The following THBS3 variants were observed in gnomAD, a reference collection of about 807,000 sequenced individuals.
The protein encoded by THBS3 is thrombospondin 3.
A neutral mutation model predicts 118.3 loss-of-function variants in THBS3; 78 were observed. That is an observed-to-expected ratio of 0.66 (90% confidence interval 0.55 to 0.80). The LOEUF is 0.80. Among genes scored for constraint, THBS3 ranks in the 30% least tolerant of loss-of-function variants. The pLI is 0.00. For synonymous variants in THBS3, 427 were observed against 475.3 expected, an observed-to-expected ratio of 0.90 and a Z score of 1.32; for missense variants, 1,057 against 1,247.4, an observed-to-expected ratio of 0.85 and a Z score of 2.30.
chr1:155,198,089 G>C lies in THBS3; in HGVS notation c.2206C>G (p.Pro736Ala). 1 of 1,614,134 alleles carries C rather than the reference G, an allele frequency of 6.2e-7. No homozygotes were observed. The highest frequency in any genetic ancestry group is 8.5e-7 in the Non-Finnish European group (1 of 1,180,026). Residue 736 changes from proline to alanine, a missense_variant, in exon 18 of 23, where the codon CCT becomes GCT. Transcript: ENST00000368378. ...FRAYQTVVLD[P>A]EGDAQIDPNW... Reference sequence around the variant, plus strand: ...GGGTCAATCTGAGCATCACCCTCAGGATCCAGGACGACGGTCTGATAGGCC... The same window carrying C: ...GGGTCAATCTGAGCATCACCCTCAGCATCCAGGACGACGGTCTGATAGGCC...
chr1:155,203,183 A>G, intron 6 of THBS3, 40 bp downstream of exon 6: 13 of 1,614,044 alleles, frequency 8.1e-6, no homozygotes, highest in Non-Finnish European at 1.1e-5. Flanking sequence ...CTGCCACCCT[A>G]CCCCAGAATC....
rs771132621 is a variant in THBS3, at chr1:155,196,048, A to G, written c.2751T>C (p.Leu917=). 1 of 1,614,196 alleles carries G rather than the reference A, an allele frequency of 6.2e-7. No homozygotes were observed. Among genetic ancestry groups the G allele is most frequent in the African/African-American group, 1.3e-5 (1 of 75,064 alleles). ...TTTCTTGGGAGAAGCAGAATACACC[A>G]AGACGCCCCCCTCGCATGGATGTGT... is the stretch of plus-strand genomic sequence containing the variant. ...IIDTSMRGGR[L]GVFCFSQENI... is the part of the protein sequence containing the mutation. The change falls in exon 22 of 23, where the codon CTT becomes CTC. Residue 917 remains leucine, a synonymous_variant. Transcript: ENST00000368378.
At chr1:155,208,086 C>T, upstream of THBS3, 1 of 581,086 alleles carries the variant, frequency 1.7e-6, no homozygotes, top group South Asian at 2.1e-5. Context: ...TCCTGGAGGC[C>T]TCCCTGCTTT....
intron 4 of THBS3, among the ~76,000 whole-genome samples, chr1:155,204,258 G>T (rs1670222518): frequency 1.3e-5 from 2 of 152,148 alleles, no homozygotes; most frequent in South Asian, 4.2e-4. Flanking sequence ...AACACTCAGA[G>T]AAATTGCTGG....
Position 155,206,144 on chromosome 1 carries a change from G to A in THBS3, c.286+56C>T. The A allele has an allele frequency of 6.3e-7, 1 of 1,584,544 alleles. No individual in the cohort carries two copies. Among genetic ancestry groups the A allele is most frequent in the Non-Finnish European group, 8.6e-7 (1 of 1,157,380 alleles). On this transcript the variant is annotated intron_variant, in intron 2 of 22. Coordinates refer to ENST00000368378, the MANE Select transcript of THBS3 (RefSeq NM_007112.5). This position sits in a 1 kb window ranked among gnomAD's most constrained non-coding sequence, Gnocchi z 4.2. ...GAGGAAGCACTTGGGAAGTAGGGAT[G>A]AGGGAGAGTGCTTAAGGAGGTCACC... is the stretch of plus-strand genomic sequence containing the variant.
rs1271911503 is a variant in THBS3, at chr1:155,202,537, C to A, written c.958-136G>T. The A allele has an allele frequency of 3.1e-5, 40 of 1,301,536 alleles. No individual in the cohort carries two copies. The highest frequency in any genetic ancestry group is 3.3e-5 in the Non-Finnish European group (32 of 965,484). 80.6% of individuals were successfully genotyped at this position (1,301,536 alleles called of 1,614,324 possible). The stretch of plus-strand genomic sequence containing the variant: ...ACACAACTGCCTTGTGCTCCTGGTC[C>A]CCACCCCACTTCCCTCGGGGTTCCC... On this transcript the variant is annotated intron_variant, in intron 8 of 22. Transcript: ENST00000368378. The surrounding 1 kb of genome is among the most constrained non-coding windows in gnomAD (Gnocchi z 5.5).
chr1:155,207,921 G>A (rs1670794612), upstream of THBS3: 6 of 1,598,404 alleles, frequency 3.8e-6, no homozygotes, highest in Non-Finnish European at 5.1e-6. Flanking sequence ...GCAGCTGGGA[G>A]GGGAAAAGGC....
rs1167188027 is a variant in THBS3 at position 155,206,872 on chromosome 1, C to T, written c.80-466G>A. On this transcript the variant is annotated intron_variant, in intron 1 of 22. Coordinates refer to ENST00000368378, the MANE Select transcript of THBS3 (RefSeq NM_007112.5). This position sits in a 1 kb window ranked among gnomAD's most constrained non-coding sequence, Gnocchi z 4.2. The stretch of plus-strand genomic sequence containing the variant: ...AGACAAAACGAAAACAAAAAAAAAC[C>T]TCAACCCTTGTTGCTCTCAGAGGAC... 2.0e-5 allele frequency among the ~76,000 whole-genome samples: 3 copies of T among 151,974 alleles called. No individual in the cohort carries two copies. The highest frequency in any genetic ancestry group is 2.1e-4 in the South Asian group (1 of 4,822).
Position 155,195,728 on chromosome 1 carries a change from G to A in THBS3, c.*113C>T, listed in dbSNP as rs182573661. ...GGGACTGAACTCCTTTTGGGAGCCA[G>A]AGAAGGGTCTGTGGTTGGCTGAGGG... On this transcript the variant is annotated 3_prime_UTR_variant, in exon 23 of 23. Coordinates refer to ENST00000368378, the MANE Select transcript of THBS3 (RefSeq NM_007112.5). 1.9e-4 allele frequency: 232 copies of A among 1,190,632 alleles called. 2 individuals are homozygous for A. In the East Asian group the frequency reaches 4.1e-3, roughly 21 times the overall value. 73.8% of individuals were successfully genotyped at this position (1,190,632 alleles called of 1,614,324 possible).
chr1:155,203,555 A>T lies in THBS3; in HGVS notation c.647-16T>A, dbSNP rs1388608670. 1 of 1,613,646 alleles carries T rather than the reference A, an allele frequency of 6.2e-7. No homozygotes were observed. Among genetic ancestry groups the T allele is most frequent in the Non-Finnish European group, 8.5e-7 (1 of 1,179,934 alleles). ...GCATTGGTCACTGGAGAGGAGAAGAAAACATAGTCAGAGGGGTGAGGTGAA... is the reference window on the plus strand; with the variant it reads ...GCATTGGTCACTGGAGAGGAGAAGATAACATAGTCAGAGGGGTGAGGTGAA... On this transcript the variant is annotated splice_polypyrimidine_tract_variant and intron_variant, in intron 4 of 22. Transcript: ENST00000368378.
chr1:155,200,918 C>A lies in THBS3; in HGVS notation c.1527G>T (p.Gly509=). The change falls in exon 13 of 23, where the codon GGG becomes GGT. Residue 509 remains glycine (G), a synonymous_variant. Coordinates refer to ENST00000368378, the MANE Select transcript of THBS3 (RefSeq NM_007112.5). ...VGDQCDDDAD[G]DGIKNVEDNC... is the part of the protein sequence containing the mutation. ...TCACCTCAACATTCTTGATCCCATC[C>A]CCATCAGCATCATCATCACACTGGT... 1 of 1,614,076 alleles carries A rather than the reference C, an allele frequency of 6.2e-7. No homozygotes were observed. The highest frequency in any genetic ancestry group is 8.5e-7 in the Non-Finnish European group (1 of 1,180,014).
chr1:155,197,204 A>G lies in THBS3; in HGVS notation c.2509T>C (p.Ser837Pro). ...QPGLQLKAVT[S>P]VSGPGEHLRN... ...AGGTGCTCACCTGGGCCAGACACTG[A>G]TGTCACTGCCTAGGAGACATTGGCA... Residue 837 changes from serine (S) to proline (P), a missense_variant, in exon 21 of 23, where the codon TCA (serine) becomes CCA (proline). Transcript: ENST00000368378. The surrounding 1 kb of genome is among the most constrained non-coding windows in gnomAD (Gnocchi z 5.0). 1 of 1,614,094 alleles carries G rather than the reference A, an allele frequency of 6.2e-7. No homozygotes were observed. The highest frequency in any genetic ancestry group is 8.5e-7 in the Non-Finnish European group (1 of 1,179,932).
In THBS3 at chr1:155,205,198, G is replaced by T. The variant is rs534911443; in HGVS notation, c.405C>A (p.Pro135=). ...VLLRLRGPSR[P]SPALHLYVDC... is the part of the protein sequence containing the mutation. ...CCACGTAGAGATGTAGGGCAGGGCTGGGTCTGGAGGGACCTCGGAGTCGCA... is the reference window on the plus strand; with the variant it reads ...CCACGTAGAGATGTAGGGCAGGGCTTGGTCTGGAGGGACCTCGGAGTCGCA... The change falls in exon 3 of 23, where the codon CCC becomes CCA. Residue 135 remains proline, a synonymous_variant. Coordinates refer to ENST00000368378, the MANE Select transcript of THBS3 (RefSeq NM_007112.5). 9.7e-5 allele frequency: 157 copies of T among 1,614,230 alleles called. 1 individual carries two copies. The South Asian group carries it at 1.7e-3, about 18-fold the overall frequency.
intron 10 of THBS3, 90 bp from the exon 11 acceptor site, chr1:155,201,659 G>A: frequency 7.0e-7 from 1 of 1,431,240 alleles, no homozygotes; most frequent in Non-Finnish European, 9.6e-7. Context: ...GTGTGGGCTG[G>A]GCACTCAGTT....
chr1:155,200,952 C>T lies in THBS3; in HGVS notation c.1493G>A (p.Gly498Asp). 6.2e-7 allele frequency: 1 copy of T among 1,614,152 alleles called. No homozygotes were observed. Among genetic ancestry groups the T allele is most frequent in the South Asian group, 1.1e-5 (1 of 91,068 alleles). Reference protein sequence around the residue: ...NSGQEDADNDGVGDQCDDDAD... With the variant: ...NSGQEDADNDDVGDQCDDDAD... Reference sequence around the variant, plus strand: ...ATCATCATCACACTGGTCCCCCACACCATCATTATCAGCATCTTCCTGCCC... The same window carrying T: ...ATCATCATCACACTGGTCCCCCACATCATCATTATCAGCATCTTCCTGCCC... The change falls in exon 13 of 23, where the codon GGT (glycine) becomes GAT (aspartate). Residue 498 changes from glycine to aspartate, a missense_variant. Gly to Asp is a moderately conservative substitution (Grantham distance 94). Transcript: ENST00000368378.
chr1:155,196,164 T>C (rs932566200), intron 21 of THBS3, 38 bp from the exon 22 acceptor site: 3 of 1,611,144 alleles, frequency 1.9e-6, no homozygotes, highest in African/African-American at 2.7e-5. Flanking sequence ...CCATTGGTGC[T>C]AGGGTGCCAG....
Position 155,197,988 on chromosome 1 carries a change from C to T in THBS3, c.2253+54G>A, listed in dbSNP as rs1668974449. The T allele has an allele frequency of 6.2e-7, 1 of 1,614,020 alleles. No individual in the cohort carries two copies. Among genetic ancestry groups the T allele is most frequent in the South Asian group, 1.1e-5 (1 of 91,084 alleles). ...AGGTGTGCTATCCCTCCCAGGCCCC[C>T]CGTCCCAGTAGCCCTGTCTGATAGC... On this transcript the variant is annotated intron_variant, in intron 18 of 22. Coordinates refer to ENST00000368378, the MANE Select transcript of THBS3 (RefSeq NM_007112.5). The surrounding 1 kb of genome is among the most constrained non-coding windows in gnomAD (Gnocchi z 5.0).
In THBS3 at chr1:155,198,992, C is replaced by T. The variant is rs1355532412; in HGVS notation, c.1881-390G>A. On this transcript the variant is annotated intron_variant, in intron 16 of 22. Transcript: ENST00000368378. Reference sequence around the variant, plus strand: ...AAAATTAGCTGAGCTTGGTAGCACGCGCCTGTAATCCCAGCTACTCGGGAG... The same window carrying T: ...AAAATTAGCTGAGCTTGGTAGCACGTGCCTGTAATCCCAGCTACTCGGGAG... Among the ~76,000 whole-genome samples the T allele has an allele frequency of 5.3e-5, 8 of 151,850 alleles. No homozygotes were observed. The East Asian group carries it at 1.5e-3, about 29-fold the overall frequency.
intron 16 of THBS3, 72 bp from the exon 17 acceptor site, chr1:155,198,674 G>A (rs930380306): frequency 6.7e-7 from 1 of 1,487,094 alleles, no homozygotes. Flanking sequence ...TTCTGCCTGG[G>A]AGTCTCTGGA....
Sources: allele counts gnomAD v4.1 joint callset (sites outside exome capture counted in the v4.1 genomes callset), GRCh38; gene constraint gnomAD v4.1.1; non-coding constraint Gnocchi (gnomAD v3.1); transcripts MANE v1.5; gene names NCBI Gene and HGNC (gene_info 2026-07-23, HGNC 2026-07-21).